LRRC56: variants seen among roughly 807,000 people sequenced by gnomAD.
The protein encoded by LRRC56 is leucine rich repeat containing 56.
A neutral mutation model predicts 47.8 loss-of-function variants in LRRC56; 41 were observed. The observed-to-expected ratio is 0.86, with a 90% CI of 0.67 to 1.11. The LOEUF (loss-of-function observed/expected upper bound fraction) is 1.11. Ranked by LOEUF, LRRC56 falls within the 50% of genes most tolerant of loss-of-function variation. The pLI, the probability that LRRC56 is intolerant of heterozygous loss-of-function variation, is 0.00. For missense variants in LRRC56, 759 were observed against 704.2 expected (o/e 1.08, Z -0.88); for synonymous variants, 387 against 311.2 (o/e 1.24, Z -2.56).
the LRRC56 span, among the ~76,000 whole-genome samples, chr11:530,022 C>G: frequency 0.018 from 2,791 of 152,252 alleles, 85 homozygotes; most frequent in African/African-American, 0.063. Flanking sequence ...GTCCCCAGAT[C>G]AGGACACACC....
At chr11:508,808 C>T in the LRRC56 span, among the ~76,000 whole-genome samples, 926 of 151,698 alleles carry the variant, frequency 6.1e-3, 8 homozygotes, top group African/African-American at 0.022. Context: ...CTTTGGGAGG[C>T]CAAGGCAGGC....
At chr11:524,278 G>A in the LRRC56 span, among the ~76,000 whole-genome samples, 10 of 152,236 alleles carry the variant, frequency 6.6e-5, no homozygotes, top group African/African-American at 2.4e-4. Context: ...TCCCAGAAAC[G>A]GACGCACACA....
In LRRC56 at chr11:551,852, C is replaced by T. The variant is rs201380939; in HGVS notation, c.973+25C>T. 1.3e-4 allele frequency: 209 copies of T among 1,608,844 alleles called. No individual in the cohort carries two copies. In the African/African-American group the frequency reaches 2.5e-3, roughly 19 times the overall value. On this transcript the variant is annotated intron_variant, in intron 10 of 13. Coordinates refer to ENST00000270115, the MANE Select transcript of LRRC56 (RefSeq NM_198075.4). ...GGTAACTGACTTGCCTCAAAGCTGA[C>T]CCTGCAGCCCCTCGGCCCCGAACCA...
At chr11:513,197 G>T in the LRRC56 span, among the ~76,000 whole-genome samples, 2 of 152,158 alleles carry the variant, frequency 1.3e-5, no homozygotes, top group African/African-American at 4.8e-5. Context: ...TGAATATCAC[G>T]CAGGCTGGAG....
chr11:537,305 T>G (rs1442290539), upstream of LRRC56: 1 of 152,064 alleles, frequency 6.6e-6, no homozygotes, highest in Non-Finnish European at 1.5e-5. Flanking sequence ...CAACTCGAGT[T>G]GGTGGCGCGT....
At chr11:546,988 C>T (rs1110056) in intron 6 of LRRC56, among the ~76,000 whole-genome samples, 12,443 of 151,798 alleles carry the variant, frequency 0.082, 508 homozygotes, top group Middle Eastern at 0.14. Flanking sequence ...ACCCAGGAGG[C>T]GGAGGTTGCA....
upstream of LRRC56, chr11:534,169 C>G (rs111836279): frequency 1.0e-5 from 15 of 1,492,940 alleles, no homozygotes; most frequent in African/African-American, 4.1e-5. Flanking sequence ...CCTGGGCTCG[C>G]CCGCAGCAGC....
At chr11:523,011 A>G in the LRRC56 span, among the ~76,000 whole-genome samples, 2 of 152,068 alleles carry the variant, frequency 1.3e-5, no homozygotes, top group Admixed American at 1.3e-4. Flanking sequence ...TTACTGTTGT[A>G]AAACAACAAT....
rs1398956035 is a variant in LRRC56, at chr11:551,704, G to A, written c.850G>A (p.Glu284Lys). The A allele has an allele frequency of 3.7e-6, 6 of 1,610,802 alleles. No individual in the cohort carries two copies. Among genetic ancestry groups the A allele is most frequent in the Non-Finnish European group, 5.1e-6 (6 of 1,178,940 alleles). Residue 284 changes from glutamate (E) to lysine (K), a missense_variant, in exon 10 of 14, where the codon GAG becomes AAG. Coordinates refer to ENST00000270115, the MANE Select transcript of LRRC56 (RefSeq NM_198075.4). ...ACTTGACCCCGAGCTGTCCCTGCCTGAGACGCAGTCCCGGGCCTCCAGGCC... is the reference window on the plus strand; with the variant it reads ...ACTTGACCCCGAGCTGTCCCTGCCTAAGACGCAGTCCCGGGCCTCCAGGCC... ...RRLDPELSLPETQSRASRPWP... is the reference protein window; with the variant it reads ...RRLDPELSLPKTQSRASRPWP...
rs1204830254 is a variant in LRRC56, at chr11:552,087, C to T, written c.1039-3C>T. On this transcript the variant is annotated splice_polypyrimidine_tract_variant and splice_region_variant and intron_variant, in intron 11 of 13. Coordinates refer to ENST00000270115, the MANE Select transcript of LRRC56 (RefSeq NM_198075.4). ...CCCTAAAGCAGTCCCTTTTCCTCCC[C>T]AGGCCAGGGAGCCCCCCGAGCAGCT... The T allele has an allele frequency of 1.2e-6, 2 of 1,609,860 alleles. No homozygotes were observed. Among genetic ancestry groups the T allele is most frequent in the East Asian group, 2.2e-5 (1 of 44,796 alleles).
chr11:512,325 T>C, the LRRC56 span, among the ~76,000 whole-genome samples: 1 of 151,880 alleles, frequency 6.6e-6, no homozygotes, highest in Non-Finnish European at 1.5e-5. Flanking sequence ...AACCTCTGCA[T>C]CCCAGTTCAA....
chr11:533,993 G>C (rs769271828), upstream of LRRC56: 1 of 1,580,250 alleles, frequency 6.3e-7, no homozygotes, highest in South Asian at 1.1e-5. Flanking sequence ...TCCGTGGGGG[G>C]AGTTCACACA....
intron 6 of LRRC56, among the ~76,000 whole-genome samples, chr11:548,700 T>C (rs551308270): frequency 4.9e-4 from 75 of 152,142 alleles, no homozygotes; most frequent in African/African-American, 1.7e-3. Context: ...CCTCGTGATC[T>C]GCCTGCCTCG....
chr11:531,239 C>A, the LRRC56 span, among the ~76,000 whole-genome samples: 67 of 152,214 alleles, frequency 4.4e-4, no homozygotes, highest in African/African-American at 1.3e-3. Flanking sequence ...GGGAGTGTCC[C>A]TGCAGCCCTG....
chr11:551,783 C>A lies in LRRC56; in HGVS notation c.929C>A (p.Ser310Tyr). The A allele has an allele frequency of 1.9e-6, 3 of 1,610,134 alleles. No homozygotes were observed. The highest frequency in any genetic ancestry group is 8.5e-7 in the Non-Finnish European group (1 of 1,178,528). ...GGCCCCCTGCCTGAAGGCCTGCTTT[C>A]TGAGGACCTGGCCCCAGAAGATAAC... The part of the protein sequence containing the change: ...RGGPLPEGLL[S>Y]EDLAPEDNTS... Residue 310 changes from serine (S) to tyrosine (Y), a missense_variant, in exon 10 of 14, where the codon TCT (serine) becomes TAT (tyrosine). Physicochemically the swap from Ser to Tyr is moderately radical, Grantham distance 144. Transcript: ENST00000270115.
the LRRC56 span, among the ~76,000 whole-genome samples, chr11:507,488 C>T: frequency 1.3e-5 from 2 of 152,148 alleles, no homozygotes; most frequent in African/African-American, 2.4e-5. Flanking sequence ...GTCTGGCGGG[C>T]GCGGGCGCGT....
At chr11:515,242 C>T in the LRRC56 span, among the ~76,000 whole-genome samples, 1 of 152,042 alleles carries the variant, frequency 6.6e-6, no homozygotes. Context: ...GGATGGGAGG[C>T]TCTCCCATAT....
At chr11:533,543 C>G (rs1851245565), upstream of LRRC56, 2 of 1,613,776 alleles carry the variant, frequency 1.2e-6, no homozygotes, top group African/African-American at 2.7e-5. Flanking sequence ...TGCGTGCAGC[C>G]AGGTCACACT....
At position 541,527 on chromosome 11, in the gene LRRC56, G is replaced by T; in HGVS notation, c.178-10G>T. ...CAGGACCAGCGCTGACCCCCGGTTG[G>T]TTTCTACAGCAGGCCCTGGCCCGGG... On this transcript the variant is annotated splice_polypyrimidine_tract_variant and intron_variant, in intron 4 of 13. Coordinates refer to ENST00000270115, the MANE Select transcript of LRRC56 (RefSeq NM_198075.4). This position sits in a 1 kb window ranked among gnomAD's most constrained non-coding sequence, Gnocchi z 4.1. The T allele has an allele frequency of 6.5e-7, 1 of 1,541,212 alleles. No homozygotes were observed. The highest frequency in any genetic ancestry group is 8.8e-7 in the Non-Finnish European group (1 of 1,139,854).
Sources: gnomAD v4.1 joint callset for allele counts (sites outside exome capture counted in the v4.1 genomes callset) on GRCh38, gnomAD v4.1.1 for gene constraint, Gnocchi (gnomAD v3.1) non-coding constraint, MANE v1.5 for transcripts, NCBI Gene and HGNC (gene_info 2026-07-23, HGNC 2026-07-21) for gene names.